The following ITGA4 variants were observed in gnomAD, a reference collection of about 807,000 sequenced individuals.
The protein encoded by ITGA4 is integrin subunit alpha 4.
Under a neutral mutation model 133.6 loss-of-function variants are expected in ITGA4, and 63 were observed. The ratio of observed to expected loss-of-function variants is 0.47; its 90% CI spans 0.38 to 0.58. The LOEUF (loss-of-function observed/expected upper bound fraction) is 0.58, where lower values mean the gene tolerates loss of function less well. ITGA4 is among the 20% of genes least tolerant of loss of function. The pLI is 0.00. For missense variants in ITGA4, 1,076 were observed against 1,252.7 expected, an observed-to-expected ratio of 0.86 and a Z score of 2.13; for synonymous variants, 483 against 438.0, an observed-to-expected ratio of 1.10 and a Z score of -1.28.
At chr2:181,535,368 T>C in intron 27 of ITGA4, 64 bp from the exon 28 acceptor site, 1 of 1,222,350 alleles carries the variant, frequency 8.2e-7, no homozygotes, top group South Asian at 1.7e-5. Context: ...ATATTAGAAA[T>C]GAGTATAGTA....
rs35021228 is a variant in ITGA4, at chr2:181,522,287, G to A, written c.2019G>A (p.Thr673=). 1.2e-4 allele frequency: 199 copies of A among 1,609,268 alleles called. No homozygotes were observed. The African/African-American group carries it at 2.4e-3, about 20-fold the overall frequency. ...ATGCTGGAGATGATGCATATGAAAC[G>A]ACTCTACATGTCAAACTACCCGTGG... The part of the protein sequence containing the change: ...LFNAGDDAYE[T]TLHVKLPVGL... The change falls in exon 18 of 28, where the codon ACG becomes ACA. Residue 673 remains threonine (T), a synonymous_variant. Transcript: ENST00000397033.
intron 25 of ITGA4, among the ~76,000 whole-genome samples, chr2:181,532,962 A>C (rs989194842): frequency 1.3e-5 from 2 of 152,194 alleles, no homozygotes; most frequent in Admixed American, 1.3e-4. Flanking sequence ...GATGAATTTT[A>C]TTGAAGCCCT....
intron 2 of ITGA4, among the ~76,000 whole-genome samples, chr2:181,472,516 A>C: frequency 6.6e-6 from 1 of 152,220 alleles, no homozygotes; most frequent in African/African-American, 2.4e-5. Flanking sequence ...CTATAAATTC[A>C]TAAAAATTTT....
chr2:181,468,922 A>G (rs528921723), intron 2 of ITGA4, among the ~76,000 whole-genome samples: 20 of 152,318 alleles, frequency 1.3e-4, no homozygotes, highest in Non-Finnish European at 2.5e-4. Context: ...AATTATCACC[A>G]TGTTAATTTC....
chr2:181,498,886 T>A (rs1349196), intron 15 of ITGA4, 109 bp downstream of exon 15: 1,403,369 of 1,411,278 alleles, frequency 0.99, 698,099 homozygotes, highest in East Asian at 1. Flanking sequence ...AAGCAACTGT[T>A]ACCCCTCCTG....
intron 15 of ITGA4, among the ~76,000 whole-genome samples, chr2:181,507,121 C>T (rs1471280692): frequency 6.6e-6 from 1 of 152,070 alleles, no homozygotes; most frequent in Non-Finnish European, 1.5e-5. Context: ...TGAAAGACAT[C>T]ACAGTCTGTG....
upstream of ITGA4, chr2:181,457,315 A>C: frequency 4.2e-6 from 1 of 235,300 alleles, no homozygotes; most frequent in Non-Finnish European, 8.3e-6. Context: ...AGCCGCGCGT[A>C]GGCAGAGACG....
At chr2:181,534,716 C>G in intron 26 of ITGA4, 100 bp from the exon 27 acceptor site, 1 of 1,010,720 alleles carries the variant, frequency 9.9e-7, no homozygotes, top group Non-Finnish European at 1.5e-6. Flanking sequence ...GTTCTAAATA[C>G]TACTGGGGAT....
At chr2:181,500,860 TG>T (rs1686253079) in intron 15 of ITGA4, among the ~76,000 whole-genome samples, 1 of 152,078 alleles carries the variant, frequency 6.6e-6, no homozygotes. Context: ...TATAGTCTAC[TG>T]GGGTGAGAAA....
intron 4 of ITGA4, among the ~76,000 whole-genome samples, chr2:181,476,639 T>C (rs572057028): frequency 1.3e-5 from 2 of 152,188 alleles, no homozygotes; most frequent in Non-Finnish European, 2.9e-5. Context: ...TCAGTCTATA[T>C]TTCAGTTGGG....
At chr2:181,506,957 T>C (rs1686407135) in intron 15 of ITGA4, among the ~76,000 whole-genome samples, 1 of 152,112 alleles carries the variant, frequency 6.6e-6, no homozygotes, top group South Asian at 2.1e-4. Context: ...TTAATTATGG[T>C]TGAAGCTAAT....
At chr2:181,485,209 G>C (rs184145469) in intron 9 of ITGA4, among the ~76,000 whole-genome samples, 1 of 152,138 alleles carries the variant, frequency 6.6e-6, no homozygotes, top group Admixed American at 6.5e-5. Context: ...AATTTTCCTC[G>C]ACAATCAAGA....
chr2:181,475,240 C>T lies in ITGA4; in HGVS notation c.508C>T (p.Pro170Ser), dbSNP rs1336006856. Residue 170 changes from proline to serine, a missense_variant, in exon 4 of 28, where the codon CCT becomes TCT. Pro to Ser is a moderately conservative substitution (Grantham distance 74). Transcript: ENST00000397033. Reference sequence around the variant, plus strand: ...CACTGGTGGTTGCTATGGAGTGCCCCCTGATTTACGAACAGAACTGAGTAA... The same window carrying T: ...CACTGGTGGTTGCTATGGAGTGCCCTCTGATTTACGAACAGAACTGAGTAA... ...LPTGGCYGVP[P>S]DLRTELSKRI... 2 of 1,612,932 alleles carry T rather than the reference C, an allele frequency of 1.2e-6. No homozygotes were observed. The highest frequency in any genetic ancestry group is 1.1e-5 in the South Asian group (1 of 91,052).
chr2:181,486,936 C>T (rs1218249844), intron 10 of ITGA4, among the ~76,000 whole-genome samples: 1 of 152,102 alleles, frequency 6.6e-6, no homozygotes, highest in African/African-American at 2.4e-5. Context: ...ATTCTCATCT[C>T]CTTAATGTCT....
chr2:181,482,028 A>C (rs1685816298), intron 7 of ITGA4, among the ~76,000 whole-genome samples: 1 of 152,154 alleles, frequency 6.6e-6, no homozygotes, highest in South Asian at 2.1e-4. Flanking sequence ...AGGAAATATT[A>C]TTCCTGGTTT....
intron 25 of ITGA4, among the ~76,000 whole-genome samples, chr2:181,532,795 A>G (rs1353894997): frequency 1.3e-5 from 2 of 152,140 alleles, no homozygotes; most frequent in Non-Finnish European, 2.9e-5. Flanking sequence ...AGGAGTGGTG[A>G]GAGAGGGCAT....
At chr2:181,502,503 T>C (rs1686297434) in intron 15 of ITGA4, among the ~76,000 whole-genome samples, 1 of 152,122 alleles carries the variant, frequency 6.6e-6, no homozygotes, top group South Asian at 2.1e-4. Flanking sequence ...GGATTAAATG[T>C]ACAAGTGAAA....
chr2:181,468,626 G>A (rs1685478365), intron 2 of ITGA4, among the ~76,000 whole-genome samples: 2 of 152,028 alleles, frequency 1.3e-5, no homozygotes, highest in Admixed American at 6.6e-5. Context: ...GAAAGGGGGA[G>A]GAGTAAAGAA....
At chr2:181,477,715 G>A (rs936379283) in intron 4 of ITGA4, among the ~76,000 whole-genome samples, 3 of 152,130 alleles carry the variant, frequency 2.0e-5, no homozygotes, top group Admixed American at 6.6e-5. Context: ...GCGAAGGTGT[G>A]AAGAAAAGGG....
Sources: gnomAD v4.1 joint callset for allele counts (sites outside exome capture counted in the v4.1 genomes callset) on GRCh38, gnomAD v4.1.1 for gene constraint, MANE v1.5 for transcripts, NCBI Gene and HGNC (gene_info 2026-07-23, HGNC 2026-07-21) for gene names.